The following ATP8A2 variants were observed in gnomAD, a reference collection of about 807,000 sequenced individuals.
ATP8A2 encodes the protein ATPase phospholipid transporting 8A2.
Under a neutral mutation model 165.6 loss-of-function variants are expected in ATP8A2, and 100 were observed. The observed-to-expected ratio is 0.60, with a 90% CI of 0.51 to 0.71. The LOEUF (loss-of-function observed/expected upper bound fraction) is 0.71, where lower values mean the gene tolerates loss of function less well. Ranked by LOEUF, ATP8A2 falls within the 30% of genes least tolerant of loss-of-function variation. The pLI is 0.00. For synonymous variants in ATP8A2, 543 were observed against 548.8 expected (o/e 0.99, Z 0.15); for missense variants, 1,227 against 1,479.5 (o/e 0.83, Z 2.80).
chr13:25,648,331 C>T (rs1371469827), intron 24 of ATP8A2, among the ~76,000 whole-genome samples: 1 of 152,148 alleles, frequency 6.6e-6, no homozygotes, highest in Non-Finnish European at 1.5e-5. Context: ...TCCTCTCCCC[C>T]ATGTATACCA....
intron 32 of ATP8A2, among the ~76,000 whole-genome samples, chr13:25,862,001 T>G (rs1952368598): frequency 6.6e-6 from 1 of 152,318 alleles, no homozygotes; most frequent in African/African-American, 2.4e-5. Flanking sequence ...AGCAAACACT[T>G]GCTATGAACT....
At chr13:25,709,877 T>C (rs975110004) in intron 25 of ATP8A2, among the ~76,000 whole-genome samples, 1 of 152,188 alleles carries the variant, frequency 6.6e-6, no homozygotes, top group African/African-American at 2.4e-5. Context: ...CCAACATTTC[T>C]TGAAGTTTTG....
Position 25,372,109 on chromosome 13 carries a change from A to T in ATP8A2, c.-104A>T, listed in dbSNP as rs1013366154. The T allele has an allele frequency of 3.9e-6, 3 of 765,348 alleles. No homozygotes were observed. Among genetic ancestry groups the T allele is most frequent in the Non-Finnish European group, 3.5e-6 (2 of 569,568 alleles). The allele number at this position is 765,348 out of a possible 1,614,324, so 47.4% of individuals were successfully genotyped here. On this transcript the variant is annotated 5_prime_UTR_variant, in exon 1 of 37. Coordinates refer to ENST00000381655, the MANE Select transcript of ATP8A2 (RefSeq NM_016529.6). The surrounding 1 kb of genome is among the most constrained non-coding windows in gnomAD (Gnocchi z 4.8). Reference sequence around the variant, plus strand: ...GTCCCCGCCAGCTAGCAGCCCGGCGAGGCGCTGGCCCACCCATGGTCCTCG... The same window carrying T: ...GTCCCCGCCAGCTAGCAGCCCGGCGTGGCGCTGGCCCACCCATGGTCCTCG...
At chr13:25,835,683 C>T (rs1047808091) in intron 28 of ATP8A2, among the ~76,000 whole-genome samples, 1 of 152,080 alleles carries the variant, frequency 6.6e-6, no homozygotes, top group African/African-American at 2.4e-5. Context: ...CTTCCAAGCA[C>T]CTTCTTCAGC....
rs71186886 is a variant in ATP8A2 at position 25,472,393 on chromosome 13, C to CAA, written c.221+3289_221+3290dup. On this transcript the variant is annotated intron_variant, in intron 2 of 36. Transcript: ENST00000381655. ...TGGGTGACAGAGCAAGACTCCGTCT[C>CAA]AAAAAAAAAAAAAAAAAATTGATTA... Among the ~76,000 whole-genome samples the CAA allele has an allele frequency of 3.1e-3, 290 of 93,676 alleles. 3 individuals are homozygous for CAA. Among genetic ancestry groups the CAA allele is most frequent in the African/African-American group, 8.6e-3 (231 of 26,914 alleles). The allele number at this position is 93,676 out of a possible 152,430, so 61.5% of individuals were successfully genotyped here. A position where few individuals can be genotyped will look rare whatever the true frequency, so the allele number is the denominator to read the frequency against.
At chr13:25,731,262 AAGC>A (rs2043627334) in intron 25 of ATP8A2, among the ~76,000 whole-genome samples, 1 of 149,212 alleles carries the variant, frequency 6.7e-6, no homozygotes. Context: ...GGAAGGAAGG[AAGC>A]GGGAGGAAGA....
At chr13:25,922,181 T>C (rs796648142) in intron 33 of ATP8A2, among the ~76,000 whole-genome samples, 35 of 152,334 alleles carry the variant, frequency 2.3e-4, no homozygotes, top group African/African-American at 8.2e-4. Context: ...TCCATCATCC[T>C]AATCAGTAAC....
At chr13:25,532,121 T>C in intron 4 of ATP8A2, 151 bp from the exon 5 acceptor site, 1 of 674,390 alleles carries the variant, frequency 1.5e-6, no homozygotes, top group Non-Finnish European at 2.6e-6. Flanking sequence ...TGCTGATAGA[T>C]CACAAAATTG....
chr13:25,454,944 A>G (rs1166932179), intron 1 of ATP8A2, among the ~76,000 whole-genome samples: 8 of 152,112 alleles, frequency 5.3e-5, no homozygotes, highest in African/African-American at 9.7e-5. Flanking sequence ...CAAACAAAAC[A>G]ATGGCTTTAA....
chr13:25,416,614 C>A (rs949011678), intron 1 of ATP8A2, among the ~76,000 whole-genome samples: 3 of 152,146 alleles, frequency 2.0e-5, no homozygotes, highest in African/African-American at 4.8e-5. Context: ...ATCTCCTTTA[C>A]ACAGATTCAA....
intron 36 of ATP8A2, among the ~76,000 whole-genome samples, chr13:26,013,674 C>CA (rs752985920): frequency 0.013 from 1,909 of 144,312 alleles, 42 homozygotes; most frequent in African/African-American, 0.047. Flanking sequence ...AACTTGGTCT[C>CA]AAAAAAAAAA....
At chr13:25,473,140 A>T (rs1460482029) in intron 2 of ATP8A2, among the ~76,000 whole-genome samples, 1 of 152,164 alleles carries the variant, frequency 6.6e-6, no homozygotes, top group East Asian at 1.9e-4. Flanking sequence ...ACTACATGAG[A>T]ACTCTGAATT....
At chr13:25,546,463 T>C (rs183023199) in intron 10 of ATP8A2, among the ~76,000 whole-genome samples, 25 of 151,826 alleles carry the variant, frequency 1.6e-4, no homozygotes, top group Non-Finnish European at 1.0e-4. Context: ...TGTCTGTGCT[T>C]GTGCTACTTG....
intron 24 of ATP8A2, among the ~76,000 whole-genome samples, chr13:25,602,611 C>T (rs1375739714): frequency 1.3e-5 from 2 of 152,186 alleles, no homozygotes; most frequent in Admixed American, 1.3e-4. Flanking sequence ...AAGGCCGATG[C>T]TCCCCACTGC....
intron 33 of ATP8A2, among the ~76,000 whole-genome samples, chr13:25,890,368 G>A (rs61947366): frequency 0.12 from 18,061 of 152,012 alleles, 1,446 homozygotes; most frequent in Non-Finnish European, 0.18. Context: ...AGAACGCCTG[G>A]TACACAAATA....
chr13:25,513,046 G>A (rs1245292895), intron 2 of ATP8A2, among the ~76,000 whole-genome samples: 1 of 150,006 alleles, frequency 6.7e-6, no homozygotes, highest in Admixed American at 6.6e-5. Flanking sequence ...GGGGCGGCTG[G>A]CCTGGCGGGG....
At chr13:25,968,519 C>G in intron 34 of ATP8A2, 56 bp from the exon 35 acceptor site, 1 of 1,505,800 alleles carries the variant, frequency 6.6e-7, no homozygotes, top group East Asian at 2.3e-5. Context: ...GCCTGTCTTT[C>G]CCAGCTGTGT....
At chr13:25,944,424 T>C (rs1955153005) in intron 33 of ATP8A2, 1 of 152,272 alleles carries the variant, frequency 6.6e-6, no homozygotes, top group African/African-American at 2.4e-5. Context: ...GGAGAATCAC[T>C]TGAAGCCGGG....
At chr13:25,470,450 G>T (rs2137528913) in intron 2 of ATP8A2, among the ~76,000 whole-genome samples, 1 of 152,304 alleles carries the variant, frequency 6.6e-6, no homozygotes. Context: ...ATGATTTAGA[G>T]AACTTGGTAT....
Sources: gnomAD v4.1 joint callset for allele counts (sites outside exome capture counted in the v4.1 genomes callset) on GRCh38, gnomAD v4.1.1 for gene constraint, Gnocchi (gnomAD v3.1) non-coding constraint, MANE v1.5 for transcripts, NCBI Gene and HGNC (gene_info 2026-07-23, HGNC 2026-07-21) for gene names.